The following GPC5 variants were observed in gnomAD, a reference collection of about 807,000 sequenced individuals.
GPC5 encodes the protein glypican-5.
GPC5 carries 47 observed loss-of-function variants against 53.9 expected under a neutral mutation model. That is an observed-to-expected ratio of 0.87 (90% confidence interval 0.69 to 1.11). The LOEUF (loss-of-function observed/expected upper bound fraction) is 1.11, where lower values mean the gene tolerates loss of function less well. Among genes scored for constraint, GPC5 ranks in the 50% most tolerant of loss-of-function variants. The pLI is 0.00. For missense variants in GPC5, 748 were observed against 713.1 expected (o/e 1.05, Z -0.56); for synonymous variants, 286 against 263.3 (o/e 1.09, Z -0.84).
intron 2 of GPC5, among the ~76,000 whole-genome samples, chr13:91,483,535 C>T (rs1459221586): frequency 2.6e-5 from 4 of 152,156 alleles, no homozygotes; most frequent in African/African-American, 4.8e-5. Context: ...TAAATGCTGC[C>T]TCCTGAGCTT....
At chr13:92,247,185 G>C (rs1411748) in intron 7 of GPC5, among the ~76,000 whole-genome samples, 85,625 of 151,912 alleles carry the variant, frequency 0.56, 24,390 homozygotes, top group South Asian at 0.65. Flanking sequence ...AAAGATGACT[G>C]CAGAGTTATG....
At chr13:91,907,822 T>C in intron 5 of GPC5, 115 bp from the exon 6 acceptor site, 1 of 983,464 alleles carries the variant, frequency 1.0e-6, no homozygotes, top group South Asian at 1.6e-5. Context: ...AAGAGAAAAA[T>C]ACATTGGTGT....
chr13:91,986,982 A>C (rs1003893699), intron 6 of GPC5, among the ~76,000 whole-genome samples: 1 of 152,224 alleles, frequency 6.6e-6, no homozygotes, highest in African/African-American at 2.4e-5. Context: ...GCAATATATC[A>C]GGGATTAATT....
chr13:92,443,948 G>C (rs145279762), intron 7 of GPC5, among the ~76,000 whole-genome samples: 2 of 152,296 alleles, frequency 1.3e-5, no homozygotes, highest in East Asian at 1.9e-4. Context: ...CACATGTGTG[G>C]ATTCCTATTA....
At chr13:92,012,979 C>A (rs1265790652) in intron 6 of GPC5, among the ~76,000 whole-genome samples, 1 of 152,158 alleles carries the variant, frequency 6.6e-6, no homozygotes, top group Non-Finnish European at 1.5e-5. Flanking sequence ...GGGCCCACAC[C>A]CAGACCAGGT....
intron 5 of GPC5, among the ~76,000 whole-genome samples, chr13:91,760,330 G>A (rs1426935519): frequency 3.9e-5 from 6 of 152,078 alleles, no homozygotes; most frequent in African/African-American, 1.2e-4. Context: ...CTTTCTCCTT[G>A]AGAAAAAATG....
chr13:92,069,681 A>G (rs543869572), intron 6 of GPC5, among the ~76,000 whole-genome samples: 9 of 152,120 alleles, frequency 5.9e-5, no homozygotes, highest in African/African-American at 9.7e-5. Flanking sequence ...CCTCTCATAT[A>G]TAATAATGGC....
chr13:92,514,497 A>G (rs1594265416), intron 7 of GPC5, among the ~76,000 whole-genome samples: 2 of 152,268 alleles, frequency 1.3e-5, no homozygotes, highest in Admixed American at 1.3e-4. Flanking sequence ...GGCCCAAGGC[A>G]TTGTTGTACG....
At chr13:92,308,783 A>G (rs532334575) in intron 7 of GPC5, among the ~76,000 whole-genome samples, 1 of 152,152 alleles carries the variant, frequency 6.6e-6, no homozygotes, top group East Asian at 1.9e-4. Context: ...AGGGTTCTTA[A>G]GTTTCTCTTT....
At chr13:91,923,194 G>T (rs962195754) in intron 6 of GPC5, among the ~76,000 whole-genome samples, 1 of 152,024 alleles carries the variant, frequency 6.6e-6, no homozygotes, top group South Asian at 2.1e-4. Flanking sequence ...CTTTTGACTG[G>T]CTCATGCATA....
intron 7 of GPC5, among the ~76,000 whole-genome samples, chr13:92,740,958 G>GTATATATATAATATATA (rs1243138473): frequency 2.2e-5 from 2 of 89,278 alleles, no homozygotes; most frequent in African/African-American, 7.9e-5. Flanking sequence ...ATATATGTAT[G>GTATATATATAATATATA]TGTATATATA....
intron 7 of GPC5, among the ~76,000 whole-genome samples, chr13:92,651,208 TAA>T (rs141965611): frequency 0.019 from 2,887 of 151,020 alleles, 84 homozygotes; most frequent in African/African-American, 0.067. Context: ...TCTATCCGTC[TAA>T]GAGAGACCTG....
At chr13:91,865,146 T>C (rs976107772) in intron 5 of GPC5, among the ~76,000 whole-genome samples, 31 of 152,082 alleles carry the variant, frequency 2.0e-4, no homozygotes, top group Non-Finnish European at 3.5e-4. Flanking sequence ...CCTGACCTCG[T>C]GGTCTGCCTG....
At chr13:91,927,479 G>A (rs975369662) in intron 6 of GPC5, among the ~76,000 whole-genome samples, 3 of 152,006 alleles carry the variant, frequency 2.0e-5, no homozygotes, top group African/African-American at 7.2e-5. Flanking sequence ...TAATATTGAT[G>A]CATTATATTT....
intron 7 of GPC5, among the ~76,000 whole-genome samples, chr13:92,371,854 G>A (rs2043653034): frequency 6.6e-6 from 1 of 152,186 alleles, no homozygotes; most frequent in Admixed American, 6.5e-5. Flanking sequence ...ATCAATGGAT[G>A]TCAGAAAGAT....
At chr13:92,640,958 AAGG>A (rs1156679965) in intron 7 of GPC5, among the ~76,000 whole-genome samples, 1 of 151,354 alleles carries the variant, frequency 6.6e-6, no homozygotes, top group Non-Finnish European at 1.5e-5. Context: ...ATACAAGTGA[AAGG>A]AGTAGTAATG....
intron 3 of GPC5, 113 bp from the exon 4 acceptor site, chr13:91,728,419 A>T: frequency 2.4e-6 from 2 of 840,312 alleles, no homozygotes; most frequent in Non-Finnish European, 3.6e-6. Context: ...ATTTAAGATT[A>T]ATATTGAGGT....
At chr13:92,662,137 C>T (rs1886367356) in intron 7 of GPC5, among the ~76,000 whole-genome samples, 1 of 152,062 alleles carries the variant, frequency 6.6e-6, no homozygotes, top group Non-Finnish European at 1.5e-5. Flanking sequence ...CTAGCTCTGC[C>T]CCCAGCCCAT....
At chr13:92,515,269 C>A (rs561945564) in intron 7 of GPC5, among the ~76,000 whole-genome samples, 2 of 152,186 alleles carry the variant, frequency 1.3e-5, no homozygotes, top group East Asian at 3.9e-4. Flanking sequence ...GAATTTGTAA[C>A]CAAATAGTTG....
Sources: gnomAD v4.1 joint callset for allele counts (sites outside exome capture counted in the v4.1 genomes callset) on GRCh38, gnomAD v4.1.1 for gene constraint, MANE v1.5 for transcripts, NCBI Gene and HGNC (gene_info 2026-07-23, HGNC 2026-07-21) for gene names.